The following SGCZ variants were observed in gnomAD, a reference collection of about 807,000 sequenced individuals.
SGCZ encodes zeta-sarcoglycan.
In SGCZ, 40 loss-of-function variants were observed where a neutral mutation model predicts 41.3. That is an observed-to-expected ratio of 0.97 (90% CI 0.75 to 1.26). SGCZ has a LOEUF of 1.26. SGCZ is among the 50% of genes most tolerant of loss of function. The pLI, the probability that SGCZ is intolerant of heterozygous loss-of-function variation, is 0.00. For synonymous variants in SGCZ, 206 were observed against 137.5 expected (o/e 1.50, Z -3.49); for missense variants, 552 against 369.8 (o/e 1.49, Z -4.04).
At chr8:14,743,718 G>T (rs559705835) in intron 1 of SGCZ, among the ~76,000 whole-genome samples, 4 of 151,934 alleles carry the variant, frequency 2.6e-5, no homozygotes, top group Non-Finnish European at 5.9e-5. Context: ...CATATCTTGG[G>T]CAAATATTTT....
chr8:14,830,343 A>T (rs188371564), intron 1 of SGCZ, among the ~76,000 whole-genome samples: 62 of 152,278 alleles, frequency 4.1e-4, no homozygotes, highest in African/African-American at 1.5e-3. Context: ...TGATCACAGA[A>T]GTACTCTGTA....
intron 1 of SGCZ, among the ~76,000 whole-genome samples, chr8:15,116,537 G>C (rs1222030951): frequency 1.3e-5 from 2 of 152,156 alleles, no homozygotes; most frequent in African/African-American, 4.8e-5. Context: ...TGGGTGACAA[G>C]TCTTACTTTA....
chr8:14,981,520 G>A (rs977406274), intron 1 of SGCZ, among the ~76,000 whole-genome samples: 1 of 152,230 alleles, frequency 6.6e-6, no homozygotes, highest in Middle Eastern at 3.4e-3. Context: ...ATAATCATCA[G>A]CATGAAATTT....
At chr8:14,228,178 G>A (rs561191343) in intron 4 of SGCZ, among the ~76,000 whole-genome samples, 2 of 152,094 alleles carry the variant, frequency 1.3e-5, no homozygotes, top group Non-Finnish European at 2.9e-5. Flanking sequence ...TCTTATCAAG[G>A]CAAACACAAA....
chr8:14,658,783 G>C (rs112728923), intron 1 of SGCZ, among the ~76,000 whole-genome samples: 193 of 152,172 alleles, frequency 1.3e-3, no homozygotes, highest in African/African-American at 4.3e-3. Context: ...GTTTCCACAA[G>C]AGCAAGGATT....
chr8:14,092,197 A>AC lies in SGCZ; in HGVS notation c.745-1561dup, dbSNP rs1225220262. Among the ~76,000 whole-genome samples, 9 of 152,132 alleles carry AC rather than the reference A, an allele frequency of 5.9e-5. No homozygotes were observed. The East Asian group carries it at 1.7e-3, about 29-fold the overall frequency. On this transcript the variant is annotated intron_variant, in intron 7 of 7. Coordinates refer to ENST00000382080, the MANE Select transcript of SGCZ (RefSeq NM_139167.4). ...TCTATAGATCAGTTTTGGTACCAGG[A>AC]CTATGCTGTTTTGGTTACTGTAGCC... is the stretch of plus-strand genomic sequence containing the variant.
intron 1 of SGCZ, among the ~76,000 whole-genome samples, chr8:15,082,638 T>G (rs115372193): frequency 1.6e-3 from 243 of 152,134 alleles, no homozygotes; most frequent in African/African-American, 5.2e-3. Context: ...CATGGCAGGT[T>G]GAACTGGAAG....
intron 2 of SGCZ, among the ~76,000 whole-genome samples, chr8:14,444,718 C>T (rs774563988): frequency 1.3e-5 from 2 of 151,396 alleles, no homozygotes; most frequent in Non-Finnish European, 2.9e-5. Context: ...TGCTAAATGA[C>T]GAGTTAATGG....
intron 2 of SGCZ, among the ~76,000 whole-genome samples, chr8:14,454,983 G>A (rs1021500528): frequency 6.6e-6 from 1 of 152,052 alleles, no homozygotes; most frequent in South Asian, 2.1e-4. Flanking sequence ...GTATTCCTAC[G>A]GATAACTCAA....
At chr8:14,802,483 G>A (rs1801353062) in intron 1 of SGCZ, among the ~76,000 whole-genome samples, 1 of 152,106 alleles carries the variant, frequency 6.6e-6, no homozygotes, top group Non-Finnish European at 1.5e-5. Flanking sequence ...ATACTCCCAT[G>A]GAGGAACCAT....
chr8:14,085,287 T>G lies in SGCZ; in HGVS notation c.*5156A>C, dbSNP rs1392064811. On this transcript the variant is annotated 3_prime_UTR_variant, in exon 8 of 8. Transcript: ENST00000382080. ...TATATCTATATATACAAGAAAACAT[T>G]TACATGAAAGTACAAAACAAAATAA... Among the ~76,000 whole-genome samples, 1 of 151,662 alleles carries G rather than the reference T, an allele frequency of 6.6e-6. No individual in the cohort carries two copies. The highest frequency in any genetic ancestry group is 1.5e-5 in the Non-Finnish European group (1 of 67,800).
chr8:14,164,790 T>C (rs1804158242), intron 4 of SGCZ, 88 bp from the exon 5 acceptor site: 5 of 1,433,850 alleles, frequency 3.5e-6, no homozygotes, highest in South Asian at 2.6e-5. Context: ...GAAATGCATA[T>C]ATTATTTAAT....
rs73525076 is a variant in SGCZ, at chr8:15,117,586, T to C, written c.39+119999A>G. Among the ~76,000 whole-genome samples the C allele has an allele frequency of 8.0e-3, 1,218 of 152,262 alleles. 15 individuals carry two copies. Among genetic ancestry groups the C allele is most frequent in the African/African-American group, 0.026 (1,084 of 41,552 alleles). ...AACTTCTGAGCTCCTATTTTACCTGTAAAATATAGGAAAGAATTTGCTCTA... is the reference window on the plus strand; with the variant it reads ...AACTTCTGAGCTCCTATTTTACCTGCAAAATATAGGAAAGAATTTGCTCTA... On this transcript the variant is annotated intron_variant, in intron 1 of 7. Transcript: ENST00000382080.
At chr8:14,278,846 C>G (rs535162404) in intron 3 of SGCZ, among the ~76,000 whole-genome samples, 1 of 151,966 alleles carries the variant, frequency 6.6e-6, no homozygotes, top group Non-Finnish European at 1.5e-5. Context: ...ACTCAAAACA[C>G]GCACAGAAAC....
intron 7 of SGCZ, among the ~76,000 whole-genome samples, chr8:14,096,614 C>T (rs1360673175): frequency 2.6e-5 from 4 of 152,122 alleles, no homozygotes; most frequent in Non-Finnish European, 4.4e-5. Context: ...TGATGCTGGA[C>T]TCATAAAGTG....
intron 5 of SGCZ, among the ~76,000 whole-genome samples, chr8:14,146,808 C>T (rs1803535845): frequency 7.0e-6 from 1 of 142,168 alleles, no homozygotes; most frequent in Non-Finnish European, 1.5e-5. Flanking sequence ...GGAGGCGGAG[C>T]TTGCAGTGAG....
chr8:14,641,813 T>G (rs998446686), intron 1 of SGCZ, among the ~76,000 whole-genome samples: 1 of 151,620 alleles, frequency 6.6e-6, no homozygotes, highest in Admixed American at 6.6e-5. Flanking sequence ...TTATAATCCT[T>G]GCAATTATGG....
chr8:14,826,094 C>T (rs1802300388), intron 1 of SGCZ, among the ~76,000 whole-genome samples: 3 of 138,264 alleles, frequency 2.2e-5, no homozygotes, highest in Admixed American at 7.4e-5. Context: ...CCCCCTCCCC[C>T]CACCTATGTC....
intron 1 of SGCZ, among the ~76,000 whole-genome samples, chr8:14,900,295 T>C (rs1175510250): frequency 1.3e-5 from 2 of 152,082 alleles, no homozygotes. Context: ...TAAAAATCAA[T>C]TGGATGATTT....
Sources: gnomAD v4.1 joint callset for allele counts (sites outside exome capture counted in the v4.1 genomes callset) on GRCh38, gnomAD v4.1.1 for gene constraint, MANE v1.5 for transcripts, NCBI Gene and HGNC (gene_info 2026-07-23, HGNC 2026-07-21) for gene names.